Variants in TBC1D22A observed in about 807,000 individuals in gnomAD.
The protein encoded by TBC1D22A is TBC1 domain family member 22A.
TBC1D22A carries 38 observed loss-of-function variants against 60.2 expected under a neutral mutation model. That is an observed-to-expected ratio of 0.63 (90% CI 0.49 to 0.83). The LOEUF is 0.83. Ranked by LOEUF, TBC1D22A falls within the 40% of genes least tolerant of loss-of-function variation. The pLI is 0.00. For synonymous variants in TBC1D22A, 302 were observed against 281.7 expected (o/e 1.07, Z -0.72); for missense variants, 628 against 701.0 (o/e 0.90, Z 1.18).
At chr22:46,883,838 C>T (rs1290847181) in intron 5 of TBC1D22A, among the ~76,000 whole-genome samples, 1 of 152,190 alleles carries the variant, frequency 6.6e-6, no homozygotes, top group Admixed American at 6.5e-5. Context: ...GACACATTTC[C>T]CTGTGTCCTC....
chr22:46,920,409 C>G (rs1207329659), intron 8 of TBC1D22A, among the ~76,000 whole-genome samples: 3 of 152,072 alleles, frequency 2.0e-5, no homozygotes, highest in Admixed American at 6.5e-5. Context: ...TTCTAATAAT[C>G]ATTTAGTCAT....
intron 11 of TBC1D22A, among the ~76,000 whole-genome samples, chr22:47,037,877 A>G (rs1219404738): frequency 6.6e-6 from 1 of 152,132 alleles, no homozygotes; most frequent in African/African-American, 2.4e-5. Flanking sequence ...CACGCTCAGG[A>G]CTCACACCTT....
intron 4 of TBC1D22A, among the ~76,000 whole-genome samples, chr22:46,848,816 G>T (rs2087139336): frequency 6.6e-6 from 1 of 151,812 alleles, no homozygotes; most frequent in South Asian, 2.1e-4. Context: ...TGAGCAATTT[G>T]TATTTTTCCT....
At chr22:47,042,246 G>A (rs1277820741) in intron 11 of TBC1D22A, among the ~76,000 whole-genome samples, 2 of 152,246 alleles carry the variant, frequency 1.3e-5, no homozygotes, top group African/African-American at 4.8e-5. Context: ...CAGTCTCTCA[G>A]TTACCAGGCT....
chr22:47,141,390 G>A (rs2067079816), intron 12 of TBC1D22A, among the ~76,000 whole-genome samples: 1 of 152,198 alleles, frequency 6.6e-6, no homozygotes, highest in Admixed American at 6.5e-5. Context: ...GTTCCCATCG[G>A]TAGTCCTGAG....
At chr22:47,074,874 A>G (rs1342515066) in intron 11 of TBC1D22A, among the ~76,000 whole-genome samples, 1 of 152,136 alleles carries the variant, frequency 6.6e-6, no homozygotes, top group Admixed American at 6.5e-5. Context: ...GTGAGCATCT[A>G]CTCTGGGTTA....
intron 9 of TBC1D22A, among the ~76,000 whole-genome samples, chr22:46,979,148 GCTGA>G (rs1281165100): frequency 6.6e-6 from 1 of 152,110 alleles, no homozygotes; most frequent in African/African-American, 2.4e-5. Flanking sequence ...GAAAATATTG[GCTGA>G]CTGAGGTGTG....
intron 4 of TBC1D22A, among the ~76,000 whole-genome samples, chr22:46,801,201 C>T (rs991640657): frequency 6.6e-5 from 10 of 152,086 alleles, no homozygotes; most frequent in African/African-American, 2.2e-4. Context: ...CAAAGTTAAA[C>T]GATGACTGCA....
chr22:46,829,382 G>A (rs2086210264), intron 4 of TBC1D22A, among the ~76,000 whole-genome samples: 1 of 152,168 alleles, frequency 6.6e-6, no homozygotes, highest in Non-Finnish European at 1.5e-5. Flanking sequence ...CCCCCTTCAT[G>A]GCCTGGTGAG....
At chr22:47,154,989 C>T (rs544107647) in intron 12 of TBC1D22A, among the ~76,000 whole-genome samples, 6 of 152,272 alleles carry the variant, frequency 3.9e-5, no homozygotes, top group East Asian at 3.9e-4. Flanking sequence ...CCAGGGATGA[C>T]GTGGCCACAG....
In TBC1D22A at chr22:47,084,571, A is replaced by T. The variant is rs546696088; in HGVS notation, c.1330-26937A>T. 7.9e-5 allele frequency among the ~76,000 whole-genome samples: 12 copies of T among 152,320 alleles called. No homozygotes were observed. In the South Asian group the frequency reaches 2.3e-3, roughly 29 times the overall value. ...TCTAGGGGGACTCTTGAAAATGTGC[A>T]CGCGGATTCCTGCAGTCCTGATTTT... is the stretch of plus-strand genomic sequence containing the variant. On this transcript the variant is annotated intron_variant, in intron 11 of 12. Transcript: ENST00000337137.
At chr22:46,979,870 A>T (rs1341968456) in intron 9 of TBC1D22A, among the ~76,000 whole-genome samples, 1 of 151,856 alleles carries the variant, frequency 6.6e-6, no homozygotes, top group Non-Finnish European at 1.5e-5. Context: ...AGGTCTAGGG[A>T]CCCCCAGGAG....
chr22:47,134,400 T>C (rs4823465), intron 12 of TBC1D22A, among the ~76,000 whole-genome samples: 52,853 of 152,040 alleles, frequency 0.35, 9,562 homozygotes, highest in East Asian at 0.61. Context: ...TGGGCCAGGG[T>C]GGAAGGAAGG....
chr22:46,998,873 T>C (rs2075211954), intron 10 of TBC1D22A, among the ~76,000 whole-genome samples: 3 of 152,288 alleles, frequency 2.0e-5, no homozygotes, highest in African/African-American at 7.2e-5. Context: ...AGTGCGTTCA[T>C]GTGCGCTCAC....
At chr22:47,149,106 G>A (rs570978462) in intron 12 of TBC1D22A, among the ~76,000 whole-genome samples, 24 of 152,298 alleles carry the variant, frequency 1.6e-4, no homozygotes, top group Non-Finnish European at 3.2e-4. Flanking sequence ...GCCGCCGAGT[G>A]ATTGGTGCCC....
At chr22:47,139,885 C>T (rs2067014857) in intron 12 of TBC1D22A, among the ~76,000 whole-genome samples, 1 of 152,238 alleles carries the variant, frequency 6.6e-6, no homozygotes, top group Admixed American at 6.5e-5. Flanking sequence ...GCCTGTGGAC[C>T]TGTTGCGAAG....
chr22:47,159,276 G>GTATACA (rs1260991902), intron 12 of TBC1D22A, among the ~76,000 whole-genome samples: 1 of 142,770 alleles, frequency 7.0e-6, no homozygotes, highest in African/African-American at 2.7e-5. Flanking sequence ...CACACACCAT[G>GTATACA]TATACACACA....
intron 9 of TBC1D22A, among the ~76,000 whole-genome samples, chr22:46,977,593 G>C (rs994027675): frequency 1.3e-4 from 20 of 152,200 alleles, no homozygotes; most frequent in Non-Finnish European, 7.3e-5. Context: ...TAGGTGATTG[G>C]TCTGTTCTCG....
intron 11 of TBC1D22A, among the ~76,000 whole-genome samples, chr22:47,098,910 C>T (rs1478755562): frequency 6.6e-6 from 1 of 152,164 alleles, no homozygotes; most frequent in East Asian, 1.9e-4. Context: ...GGAGAGCCTG[C>T]AGGCGTAGGG....
Sources: gnomAD v4.1 joint callset for allele counts (sites outside exome capture counted in the v4.1 genomes callset) on GRCh38, gnomAD v4.1.1 for gene constraint, MANE v1.5 for transcripts, NCBI Gene and HGNC (gene_info 2026-07-23, HGNC 2026-07-21) for gene names.